FHIT: variants seen among roughly 807,000 people sequenced by gnomAD.
FHIT encodes the protein fragile histidine triad diadenosine triphosphatase.
FHIT carries 19 observed loss-of-function variants against 17.9 expected under a neutral mutation model. The ratio of observed to expected loss-of-function variants is 1.06; its 90% confidence interval spans 0.74 to 1.56. The LOEUF (loss-of-function observed/expected upper bound fraction) is 1.56, where lower values mean the gene tolerates loss of function less well. FHIT is among the 40% of genes most tolerant of loss of function. The pLI is 0.00. For synonymous variants in FHIT, 81 were observed against 69.7 expected (o/e 1.16, Z -0.81); for missense variants, 248 against 189.2 (o/e 1.31, Z -1.82).
At position 59,901,786 on chromosome 3, in the gene FHIT, C is replaced by A. The variant is rs528781522; in HGVS notation, c.348+20560G>T. On this transcript the variant is annotated intron_variant, in intron 8 of 9. Coordinates refer to ENST00000492590, the MANE Select transcript of FHIT (RefSeq NM_002012.4). ...CAGAAATTCTATTCCTAGTTATATA[C>A]CCTAGAGAAATGAAAACATATATCC... Among the ~76,000 whole-genome samples the A allele has an allele frequency of 2.6e-5, 4 of 152,174 alleles. No homozygotes were observed. In the South Asian group the frequency reaches 6.2e-4, roughly 24 times the overall value.
chr3:60,022,067 T>C (rs1575907631), intron 5 of FHIT, among the ~76,000 whole-genome samples: 1 of 152,214 alleles, frequency 6.6e-6, no homozygotes, highest in African/African-American at 2.4e-5. Flanking sequence ...AAAATAATAA[T>C]GATTATTAAT....
intron 4 of FHIT, among the ~76,000 whole-genome samples, chr3:60,675,080 G>T (rs1553694908): frequency 6.6e-6 from 1 of 152,198 alleles, no homozygotes; most frequent in African/African-American, 2.4e-5. Context: ...TGAATGCAAG[G>T]CTTGCCTCAG....
chr3:60,807,679 C>CA (rs1406803441), intron 4 of FHIT, among the ~76,000 whole-genome samples: 1 of 152,092 alleles, frequency 6.6e-6, no homozygotes, highest in African/African-American at 2.4e-5. Context: ...TCATTGCTGG[C>CA]AAAAGCAAAG....
chr3:59,816,658 A>G (rs1700610146), intron 8 of FHIT, among the ~76,000 whole-genome samples: 1 of 152,156 alleles, frequency 6.6e-6, no homozygotes, highest in Non-Finnish European at 1.5e-5. Flanking sequence ...ATCAAGTCCT[A>G]TCCTACCAGA....
chr3:60,525,276 GA>G (rs1219837160), intron 5 of FHIT, among the ~76,000 whole-genome samples: 4 of 152,136 alleles, frequency 2.6e-5, no homozygotes, highest in African/African-American at 9.7e-5. Flanking sequence ...CAGATCTTCA[GA>G]AAATATTTAA....
intron 5 of FHIT, among the ~76,000 whole-genome samples, chr3:60,406,373 C>G (rs1701857212): frequency 1.3e-5 from 2 of 152,208 alleles, no homozygotes; most frequent in Admixed American, 1.3e-4. Context: ...TTTTATCCCT[C>G]TCTTCAGACA....
At chr3:60,635,581 A>G (rs2039562678) in intron 4 of FHIT, among the ~76,000 whole-genome samples, 1 of 152,198 alleles carries the variant, frequency 6.6e-6, no homozygotes, top group East Asian at 1.9e-4. Flanking sequence ...TCCATGTCCC[A>G]TGCCTAGAAA....
chr3:60,966,767 T>C (rs968397702), intron 3 of FHIT, among the ~76,000 whole-genome samples: 1 of 152,206 alleles, frequency 6.6e-6, no homozygotes, highest in African/African-American at 2.4e-5. Context: ...TAAACTGCAA[T>C]TGGAACAGAA....
At chr3:60,399,460 C>T (rs989948300) in intron 5 of FHIT, among the ~76,000 whole-genome samples, 3 of 152,094 alleles carry the variant, frequency 2.0e-5, no homozygotes, top group Non-Finnish European at 4.4e-5. Context: ...ACTTGGGAAG[C>T]GGACTGCAAT....
chr3:60,421,340 G>A (rs761064708), intron 5 of FHIT, among the ~76,000 whole-genome samples: 2 of 151,976 alleles, frequency 1.3e-5, no homozygotes, highest in Non-Finnish European at 2.9e-5. Flanking sequence ...GGCACTTCCA[G>A]CTCACAGACT....
At chr3:59,766,753 T>TATCA (rs1324533530) in intron 8 of FHIT, among the ~76,000 whole-genome samples, 1 of 152,242 alleles carries the variant, frequency 6.6e-6, no homozygotes, top group Non-Finnish European at 1.5e-5. Context: ...TTCTTCTGCC[T>TATCA]ATCATTGGGG....
intron 5 of FHIT, among the ~76,000 whole-genome samples, chr3:60,374,718 C>T (rs1412243293): frequency 6.6e-6 from 1 of 151,686 alleles, no homozygotes; most frequent in Non-Finnish European, 1.5e-5. Context: ...CCTGTGCAGC[C>T]CGAAGTCAAG....
intron 2 of FHIT, among the ~76,000 whole-genome samples, chr3:61,079,768 A>T (rs1392920068): frequency 6.6e-6 from 1 of 152,232 alleles, no homozygotes; most frequent in African/African-American, 2.4e-5. Context: ...ATAGAACCAA[A>T]AAAATGGATT....
Position 60,595,870 on chromosome 3 carries a change from T to A in FHIT, c.-17-58891A>T, listed in dbSNP as rs1379178147. Reference sequence around the variant, plus strand: ...CCAGGCTGGTCTTGAACTCCTGGCCTTAAGAGATCCTCCCACAGCACGGGA... The same window carrying A: ...CCAGGCTGGTCTTGAACTCCTGGCCATAAGAGATCCTCCCACAGCACGGGA... On this transcript the variant is annotated intron_variant, in intron 4 of 9. Transcript: ENST00000492590. Among the ~76,000 whole-genome samples the A allele has an allele frequency of 2.0e-5, 3 of 152,110 alleles. No homozygotes were observed. The East Asian group carries it at 5.8e-4, about 30-fold the overall frequency.
At chr3:61,035,657 T>C (rs1028615436) in intron 3 of FHIT, among the ~76,000 whole-genome samples, 10 of 152,214 alleles carry the variant, frequency 6.6e-5, no homozygotes, top group African/African-American at 2.4e-4. Context: ...CTTTCTCATA[T>C]GTAAACTGAA....
intron 1 of FHIT, among the ~76,000 whole-genome samples, chr3:61,201,465 G>T (rs946542203): frequency 8.6e-5 from 13 of 151,928 alleles, no homozygotes; most frequent in African/African-American, 1.2e-4. Context: ...CTCATTTTTG[G>T]CTAGGTCCTA....
chr3:60,192,326 G>A (rs1702439020), intron 5 of FHIT, among the ~76,000 whole-genome samples: 1 of 151,992 alleles, frequency 6.6e-6, no homozygotes, highest in Non-Finnish European at 1.5e-5. Flanking sequence ...ACTGAGGGCT[G>A]CTGAAAGCCC....
intron 7 of FHIT, among the ~76,000 whole-genome samples, chr3:59,932,408 T>C (rs533160203): frequency 1.3e-5 from 2 of 152,284 alleles, no homozygotes. Flanking sequence ...AAAACATGCC[T>C]TGTCTAGCAT....
intron 5 of FHIT, among the ~76,000 whole-genome samples, chr3:60,165,258 T>C (rs904224515): frequency 2.0e-5 from 3 of 152,168 alleles, no homozygotes; most frequent in Non-Finnish European, 4.4e-5. Context: ...TAATATTCAG[T>C]GAATGAATGA....
Sources: allele counts gnomAD v4.1 joint callset (sites outside exome capture counted in the v4.1 genomes callset), GRCh38; gene constraint gnomAD v4.1.1; transcripts MANE v1.5; gene names NCBI Gene and HGNC (gene_info 2026-07-23, HGNC 2026-07-21).